WDR64: variants seen among roughly 807,000 people sequenced by gnomAD.
The protein encoded by WDR64 is WD repeat domain 64.
Under a neutral mutation model 139.3 loss-of-function variants are expected in WDR64, and 112 were observed. That is an observed-to-expected ratio of 0.80 (90% CI 0.69 to 0.94). The LOEUF is 0.94. WDR64 is among the 40% of genes least tolerant of loss of function. WDR64 has a pLI of 0.00. For missense variants in WDR64, 1,206 were observed against 1,293.1 expected (o/e 0.93, Z 1.03); for synonymous variants, 444 against 437.7 (o/e 1.01, Z -0.18).
At chr1:241,747,632 G>A (rs1669811704) in intron 13 of WDR64, among the ~76,000 whole-genome samples, 2 of 152,056 alleles carry the variant, frequency 1.3e-5, no homozygotes, top group South Asian at 4.1e-4. Context: ...GTGTCTCCTT[G>A]GTATGTAATA....
chr1:241,758,296 C>T (rs922182966), intron 15 of WDR64, among the ~76,000 whole-genome samples: 2 of 147,212 alleles, frequency 1.4e-5, no homozygotes, highest in African/African-American at 2.5e-5. Context: ...CATCAAGATT[C>T]TCATAATGAC....
intron 15 of WDR64, among the ~76,000 whole-genome samples, chr1:241,761,577 T>C (rs1657903918): frequency 1.3e-5 from 2 of 151,584 alleles, no homozygotes; most frequent in Non-Finnish European, 2.9e-5. Context: ...TATATGTATA[T>C]ATAGATAATT....
At chr1:241,735,855 C>CTGTGTGTGTG (rs59974714) in intron 10 of WDR64, among the ~76,000 whole-genome samples, 1 of 71,610 alleles carries the variant, frequency 1.4e-5, no homozygotes, top group African/African-American at 4.7e-5. Context: ...CTCTCTCTCT[C>CTGTGTGTGTG]TGTGTGTGTG....
chr1:241,704,573 C>G (rs1383044552), intron 8 of WDR64, among the ~76,000 whole-genome samples: 1 of 152,104 alleles, frequency 6.6e-6, no homozygotes, highest in African/African-American at 2.4e-5. Flanking sequence ...AGGCACAGTT[C>G]ACTCATTTGT....
At chr1:241,715,229 A>C (rs1221372045) in intron 9 of WDR64, among the ~76,000 whole-genome samples, 1 of 152,208 alleles carries the variant, frequency 6.6e-6, no homozygotes. Context: ...TCTCTCAACC[A>C]AACTAATTAC....
intron 15 of WDR64, among the ~76,000 whole-genome samples, chr1:241,758,589 T>C (rs1448451476): frequency 1.3e-5 from 2 of 152,198 alleles, no homozygotes; most frequent in Non-Finnish European, 2.9e-5. Context: ...TTACTTAATA[T>C]CATTATTGAC....
chr1:241,782,312 C>T (rs955442388), intron 22 of WDR64, among the ~76,000 whole-genome samples: 4 of 152,010 alleles, frequency 2.6e-5, no homozygotes, highest in Admixed American at 6.6e-5. Flanking sequence ...AACTAGGAGT[C>T]CAGATTTTAC....
intron 8 of WDR64, 145 bp downstream of exon 8, chr1:241,687,740 A>G: frequency 2.3e-6 from 2 of 870,746 alleles, no homozygotes; most frequent in African/African-American, 3.4e-5. Context: ...GGTTAATTAG[A>G]TTTCTCAGGA....
chr1:241,779,948 T>C (rs1270380567), intron 21 of WDR64, 56 bp from the exon 22 acceptor site: 12 of 1,367,880 alleles, frequency 8.8e-6, no homozygotes, highest in Non-Finnish European at 1.1e-5. Context: ...TTGGATAGTA[T>C]TGATTTAGAT....
intron 9 of WDR64, among the ~76,000 whole-genome samples, chr1:241,712,567 G>A (rs1668217043): frequency 6.6e-6 from 1 of 152,138 alleles, no homozygotes; most frequent in African/African-American, 2.4e-5. Flanking sequence ...GACTGTATGG[G>A]TACAACTCCT....
intron 8 of WDR64, among the ~76,000 whole-genome samples, chr1:241,710,030 G>A (rs951435230): frequency 2.0e-5 from 3 of 151,032 alleles, no homozygotes; most frequent in Non-Finnish European, 4.4e-5. Flanking sequence ...GAACAGAATG[G>A]TATATGCTAC....
At chr1:241,707,605 C>T (rs1667999952) in intron 8 of WDR64, among the ~76,000 whole-genome samples, 1 of 152,106 alleles carries the variant, frequency 6.6e-6, no homozygotes, top group South Asian at 2.1e-4. Context: ...CATTGCTGCT[C>T]AGAAAGTATG....
rs576402903 is a variant in WDR64 at position 241,724,316 on chromosome 1, G to A, written c.1194+880G>A. Among the ~76,000 whole-genome samples the A allele has an allele frequency of 1.6e-4, 25 of 152,190 alleles. 1 individual carries two copies. The South Asian group carries it at 5.2e-3, about 32-fold the overall frequency. On this transcript the variant is annotated intron_variant, in intron 10 of 27. Transcript: ENST00000437684. ...TATATAGGAATATCCTAGAAACTTTGGAAGATATAATTATGAGATGGCACT... is the reference window on the plus strand; with the variant it reads ...TATATAGGAATATCCTAGAAACTTTAGAAGATATAATTATGAGATGGCACT...
chr1:241,687,501 A>G lies in WDR64; in HGVS notation c.880A>G (p.Arg294Gly). Reference sequence around the variant, plus strand: ...ACATAATGACTGGGTTATGAAAATTAGATATATTTCAGCCCTAAATTGTTT... The same window carrying G: ...ACATAATGACTGGGTTATGAAAATTGGATATATTTCAGCCCTAAATTGTTT... Reference protein sequence around the residue: ...KLHNDWVMKIRYISALNCFGS... With the variant: ...KLHNDWVMKIGYISALNCFGS... Residue 294 changes from arginine to glycine, a missense_variant, in exon 8 of 28, where the codon AGA becomes GGA. Transcript: ENST00000437684. 6.2e-7 allele frequency: 1 copy of G among 1,613,924 alleles called. No individual in the cohort carries two copies.
At chr1:241,770,910 CAA>C (rs1421813158) in intron 18 of WDR64, among the ~76,000 whole-genome samples, 7 of 151,872 alleles carry the variant, frequency 4.6e-5, no homozygotes, top group Admixed American at 4.6e-4. Context: ...TATATTTTTT[CAA>C]AGTTTTTGCA....
At chr1:241,754,364 G>A (rs1274083164) in intron 14 of WDR64, among the ~76,000 whole-genome samples, 1 of 139,908 alleles carries the variant, frequency 7.1e-6, no homozygotes, top group Non-Finnish European at 1.5e-5. Flanking sequence ...TCTGTCACCA[G>A]GCTGGAGTGC....
At chr1:241,756,544 A>C (rs1301928910) in intron 14 of WDR64, among the ~76,000 whole-genome samples, 1 of 152,072 alleles carries the variant, frequency 6.6e-6, no homozygotes, top group Non-Finnish European at 1.5e-5. Flanking sequence ...AAGGGTATTA[A>C]AAATTAAAGG....
chr1:241,691,842 T>A (rs1167178515), intron 8 of WDR64, among the ~76,000 whole-genome samples: 2 of 152,016 alleles, frequency 1.3e-5, no homozygotes, highest in Non-Finnish European at 2.9e-5. Flanking sequence ...GGTGAAACCC[T>A]GTCTCTACAA....
chr1:241,746,351 ATTCTC>A (rs1436666663), intron 13 of WDR64, among the ~76,000 whole-genome samples: 1 of 152,138 alleles, frequency 6.6e-6, no homozygotes, highest in East Asian at 1.9e-4. Context: ...TGAGAAGAGA[ATTCTC>A]TACTCTGAGC....
Sources: allele counts gnomAD v4.1 joint callset (sites outside exome capture counted in the v4.1 genomes callset), GRCh38; gene constraint gnomAD v4.1.1; transcripts MANE v1.5; gene names NCBI Gene and HGNC (gene_info 2026-07-23, HGNC 2026-07-21).